DLG2: variants seen among roughly 807,000 people sequenced by gnomAD.
DLG2 encodes discs large MAGUK scaffold protein 2.
In DLG2, 45 loss-of-function variants were observed where a neutral mutation model predicts 132.5. The observed-to-expected ratio is 0.34, with a 90% CI of 0.27 to 0.44. The LOEUF is 0.44. Among genes scored for constraint, DLG2 ranks in the 20% least tolerant of loss-of-function variants. DLG2 has a pLI of 1.00. For synonymous variants in DLG2, 424 were observed against 419.6 expected (o/e 1.01, Z -0.13); for missense variants, 1,045 against 1,196.9 (o/e 0.87, Z 1.87).
At chr11:85,007,528 T>C (rs185659643) in intron 6 of DLG2, among the ~76,000 whole-genome samples, 1 of 150,018 alleles carries the variant, frequency 6.7e-6, no homozygotes, top group East Asian at 2.0e-4. Context: ...TAGCCGGGCA[T>C]GGTGGCAGGT....
At chr11:85,563,031 T>G (rs1598545090) in intron 3 of DLG2, among the ~76,000 whole-genome samples, 1 of 151,670 alleles carries the variant, frequency 6.6e-6, no homozygotes, top group African/African-American at 2.4e-5. Context: ...TTATACTCAA[T>G]TCAATATTGA....
At chr11:84,727,362 C>T (rs1394351351) in intron 6 of DLG2, among the ~76,000 whole-genome samples, 1 of 152,138 alleles carries the variant, frequency 6.6e-6, no homozygotes, top group East Asian at 1.9e-4. Flanking sequence ...ATCTTTTTCC[C>T]ATGGCTTGTT....
intron 6 of DLG2, among the ~76,000 whole-genome samples, chr11:84,977,737 A>G (rs531209997): frequency 9.9e-5 from 15 of 152,254 alleles, no homozygotes; most frequent in Middle Eastern, 3.4e-3. Flanking sequence ...ATATTTTCCT[A>G]TTAACACAGG....
chr11:84,227,950 A>G (rs1041479083), intron 8 of DLG2, among the ~76,000 whole-genome samples: 31 of 152,102 alleles, frequency 2.0e-4, no homozygotes, highest in African/African-American at 7.5e-4. Flanking sequence ...TGACTGAGTA[A>G]ATTATATTTT....
At chr11:83,940,234 G>A (rs1401474033) in intron 14 of DLG2, among the ~76,000 whole-genome samples, 1 of 152,138 alleles carries the variant, frequency 6.6e-6, no homozygotes, top group African/African-American at 2.4e-5. Flanking sequence ...GTTTCTATCA[G>A]GGTCTAACTC....
intron 7 of DLG2, among the ~76,000 whole-genome samples, chr11:84,533,893 C>T (rs182731578): frequency 7.6e-4 from 88 of 115,728 alleles, no homozygotes; most frequent in African/African-American, 2.9e-3. Context: ...AATCCAGTAG[C>T]GCCAGTTCAG....
chr11:85,032,270 A>C (rs1307337610), intron 6 of DLG2, among the ~76,000 whole-genome samples: 1 of 152,142 alleles, frequency 6.6e-6, no homozygotes, highest in Non-Finnish European at 1.5e-5. Flanking sequence ...TCAATCCATC[A>C]GTTGTTTTCT....
intron 6 of DLG2, among the ~76,000 whole-genome samples, chr11:84,574,573 A>G (rs1270950921): frequency 6.6e-6 from 1 of 152,172 alleles, no homozygotes; most frequent in Non-Finnish European, 1.5e-5. Flanking sequence ...TGTGCTTTGA[A>G]TGTTGTCTAT....
At chr11:85,569,071 GC>G (rs2077700450) in intron 3 of DLG2, among the ~76,000 whole-genome samples, 1 of 151,900 alleles carries the variant, frequency 6.6e-6, no homozygotes, top group Non-Finnish European at 1.5e-5. Flanking sequence ...TCGCTCTGTC[GC>G]CCAGGCTCAA....
At chr11:84,402,321 T>A (rs561085872) in intron 7 of DLG2, among the ~76,000 whole-genome samples, 1 of 152,292 alleles carries the variant, frequency 6.6e-6, no homozygotes, top group South Asian at 2.1e-4. Flanking sequence ...GCAGTTATTG[T>A]TAAAGAACAA....
chr11:84,822,894 G>C (rs1418029480), intron 6 of DLG2, among the ~76,000 whole-genome samples: 1 of 151,862 alleles, frequency 6.6e-6, no homozygotes, highest in African/African-American at 2.4e-5. Context: ...TGTACACTAC[G>C]TGTATAATTA....
In DLG2 at chr11:85,083,854, A is replaced by T. The variant is rs964341843; in HGVS notation, c.357+27807T>A. ...GTTAATGCTGGTCAGTTGTGCCTAA[A>T]TTCTAAGGGGAGGAAGGTATAATGG... On this transcript the variant is annotated intron_variant, in intron 6 of 27. Coordinates refer to ENST00000376104, the MANE Select transcript of DLG2 (RefSeq NM_001142699.3). Among the ~76,000 whole-genome samples, 6 of 152,196 alleles carry T rather than the reference A, an allele frequency of 3.9e-5. No homozygotes were observed. In the East Asian group the frequency reaches 1.2e-3, roughly 30 times the overall value.
At chr11:85,247,799 C>T (rs1269557940) in intron 4 of DLG2, among the ~76,000 whole-genome samples, 1 of 151,978 alleles carries the variant, frequency 6.6e-6, no homozygotes, top group Non-Finnish European at 1.5e-5. Context: ...TAGACTAGCT[C>T]ATCATTTTCC....
chr11:83,565,612 G>A (rs189574915), intron 19 of DLG2, among the ~76,000 whole-genome samples: 11 of 152,242 alleles, frequency 7.2e-5, no homozygotes, highest in Admixed American at 7.2e-4. Flanking sequence ...TTTAAATGTT[G>A]GATTAATCAC....
intron 6 of DLG2, among the ~76,000 whole-genome samples, chr11:85,031,506 C>G (rs540596666): frequency 6.6e-6 from 1 of 151,918 alleles, no homozygotes; most frequent in African/African-American, 2.4e-5. Flanking sequence ...TACTTCTTTG[C>G]TTTTGTTATA....
intron 5 of DLG2, among the ~76,000 whole-genome samples, chr11:85,154,096 G>A (rs1462165026): frequency 1.6e-5 from 2 of 123,360 alleles, no homozygotes; most frequent in African/African-American, 6.1e-5. Flanking sequence ...GTATTCATGA[G>A]CCCATCATGG....
intron 3 of DLG2, among the ~76,000 whole-genome samples, chr11:85,471,453 T>C (rs1404962564): frequency 1.3e-5 from 2 of 152,068 alleles, no homozygotes; most frequent in East Asian, 3.9e-4. Flanking sequence ...AATGATGGTA[T>C]TTAAATGTTT....
intron 7 of DLG2, among the ~76,000 whole-genome samples, chr11:84,412,043 C>T (rs1208606310): frequency 6.7e-6 from 1 of 149,970 alleles, no homozygotes; most frequent in Non-Finnish European, 1.5e-5. Flanking sequence ...AGTGTGCGAA[C>T]CCAAGCTCCT....
Position 84,502,342 on chromosome 11 carries a change from CT to C in DLG2, c.519+32227del, listed in dbSNP as rs1396200378. ...TCTTTCTTTCTTTCTTTCTTTCTTTCTTTCTTTCTTTCTTTCTTTCTTTCTT... is the reference window on the plus strand; with the variant it reads ...TCTTTCTTTCTTTCTTTCTTTCTTTCTTCTTTCTTTCTTTCTTTCTTTCTT... On this transcript the variant is annotated intron_variant, in intron 7 of 27. Coordinates refer to ENST00000376104, the MANE Select transcript of DLG2 (RefSeq NM_001142699.3). 1.6e-4 allele frequency among the ~76,000 whole-genome samples: 6 copies of C among 37,788 alleles called. 2 individuals are homozygous for C. The highest frequency in any genetic ancestry group is 3.5e-4 in the African/African-American group (2 of 5,674). The allele number at this position is 37,788 out of a possible 152,430, so 24.8% of individuals were successfully genotyped here.
Sources: allele counts gnomAD v4.1 joint callset (sites outside exome capture counted in the v4.1 genomes callset), GRCh38; gene constraint gnomAD v4.1.1; transcripts MANE v1.5; gene names NCBI Gene and HGNC (gene_info 2026-07-23, HGNC 2026-07-21).